The following VILL variants were observed in gnomAD, a reference collection of about 807,000 sequenced individuals.
VILL encodes villin like.
In VILL, 102 loss-of-function variants were observed where a neutral mutation model predicts 106.3. That is an observed-to-expected ratio of 0.96 (90% CI 0.82 to 1.13). The LOEUF is 1.13. Ranked by LOEUF, VILL falls within the 50% of genes most tolerant of loss-of-function variation. The pLI, the probability that VILL is intolerant of heterozygous loss-of-function variation, is 0.00. For synonymous variants in VILL, 431 were observed against 440.3 expected (o/e 0.98, Z 0.27); for missense variants, 1,076 against 1,116.6 (o/e 0.96, Z 0.52).
intron 2 of VILL, 26 bp from the exon 3 acceptor site, chr3:37,993,872 T>C: frequency 1.2e-6 from 2 of 1,614,050 alleles, no homozygotes; most frequent in Non-Finnish European, 1.7e-6. Context: ...CCTCCTGAGT[T>C]GTTACAGGGA....
At position 37,994,110 on chromosome 3, in the gene VILL, C is replaced by T; in HGVS notation, c.135+138C>T. On this transcript the variant is annotated intron_variant, in intron 3 of 19. Coordinates refer to ENST00000383759, the MANE Select transcript of VILL (RefSeq NM_015873.4). ...TCACATCCCACAAGGGGGCGGTTACCGTTGAGGCTTCTTAGTCCTTCCCTC... is the reference window on the plus strand; with the variant it reads ...TCACATCCCACAAGGGGGCGGTTACTGTTGAGGCTTCTTAGTCCTTCCCTC... 2.1e-6 allele frequency: 3 copies of T among 1,416,772 alleles called. 1 individual carries two copies. The South Asian group carries it at 3.5e-5, about 16-fold the overall frequency. 87.8% of individuals were successfully genotyped at this position (1,416,772 alleles called of 1,614,324 possible). A position where few individuals can be genotyped will look rare whatever the true frequency, so the allele number is the denominator to read the frequency against.
In VILL at chr3:37,994,460, G is replaced by C. The variant is rs749998902; in HGVS notation, c.335G>C (p.Gly112Ala). Reference protein sequence around the residue: ...SDCFCSYFRPGIIYRKGGLAS... With the variant: ...SDCFCSYFRPAIIYRKGGLAS... ...TGCTTCTGCAGCTACTTCCGCCCGG[G>C]AATCATGTGAGTGCGGGGGCGACCG... The change falls in exon 4 of 20, where the codon GGA becomes GCA. Residue 112 changes from glycine to alanine, a missense_variant. Gly to Ala is a moderately conservative substitution (Grantham distance 60). Coordinates refer to ENST00000383759, the MANE Select transcript of VILL (RefSeq NM_015873.4). 1 of 1,612,330 alleles carries C rather than the reference G, an allele frequency of 6.2e-7. No homozygotes were observed. The highest frequency in any genetic ancestry group is 1.1e-5 in the South Asian group (1 of 91,054).
At chr3:38,004,966 G>A (rs778411849) in intron 16 of VILL, among the ~76,000 whole-genome samples, 2 of 152,134 alleles carry the variant, frequency 1.3e-5, no homozygotes, top group Non-Finnish European at 2.9e-5. Flanking sequence ...TGCGCACAGT[G>A]GTATAACTGG....
intron 14 of VILL, 154 bp downstream of exon 14, chr3:38,002,729 G>A: frequency 2.2e-6 from 2 of 912,306 alleles, no homozygotes; most frequent in South Asian, 3.6e-5. Flanking sequence ...GTCCCCTCTA[G>A]AACTTGGGGA....
intron 19 of VILL, 68 bp from the exon 20 acceptor site, chr3:38,006,874 T>C (rs1699941222): frequency 6.5e-7 from 1 of 1,528,904 alleles, no homozygotes; most frequent in African/African-American, 1.4e-5. Flanking sequence ...CTGACACTAC[T>C]GAGTGGGGCA....
intron 15 of VILL, 40 bp from the exon 16 acceptor site, chr3:38,004,215 C>T: frequency 6.3e-7 from 1 of 1,586,892 alleles, no homozygotes; most frequent in African/African-American, 1.3e-5. Flanking sequence ...CTGGGGTGCC[C>T]CTCTGGGTGG....
Position 38,006,185 on chromosome 3 carries a change from A to G in VILL, c.2138A>G (p.His713Arg). ...TTGCCCCGATTCTTGCTCCAGAGCCACCCGTCCCACAAGGAAGTGGTGGAT... is the reference window on the plus strand; with the variant it reads ...TTGCCCCGATTCTTGCTCCAGAGCCGCCCGTCCCACAAGGAAGTGGTGGAT... ...FTWDPYKWTS[H>R]PSHKEVVDGS... Residue 713 changes from histidine to arginine, a missense_variant, in exon 18 of 20, where the codon CAC becomes CGC. Transcript: ENST00000383759. 1 of 1,614,078 alleles carries G rather than the reference A, an allele frequency of 6.2e-7. No homozygotes were observed. Among genetic ancestry groups the G allele is most frequent in the Non-Finnish European group, 8.5e-7 (1 of 1,180,008 alleles).
chr3:37,991,516 G>A (rs574662447), intron 1 of VILL, among the ~76,000 whole-genome samples: 1 of 151,484 alleles, frequency 6.6e-6, no homozygotes, highest in Admixed American at 6.6e-5. Flanking sequence ...AGGGGAGAAA[G>A]AAGAACCAGG....
In VILL at chr3:37,997,154, T is replaced by A; in HGVS notation, c.528T>A (p.Asn176Lys). 1 of 1,614,152 alleles carries A rather than the reference T, an allele frequency of 6.2e-7. No individual in the cohort carries two copies. The highest frequency in any genetic ancestry group is 8.5e-7 in the Non-Finnish European group (1 of 1,180,010). Residue 176 changes from asparagine (N) to lysine (K), a missense_variant, in exon 6 of 20, where the codon AAT (asparagine) becomes AAA (lysine). Coordinates refer to ENST00000383759, the MANE Select transcript of VILL (RefSeq NM_015873.4). This position sits in a 1 kb window ranked among gnomAD's most constrained non-coding sequence, Gnocchi z 4.7. ...LDLGKMMIQW[N>K]GPKTSISEKA... is the part of the protein sequence containing the mutation. ...TAGGCAAGATGATGATTCAGTGGAA[T>A]GGGCCCAAGACCAGCATTTCTGAGA...
chr3:37,999,046 G>C lies in VILL; in HGVS notation c.1077G>C (p.Gly359=). The change falls in exon 10 of 20, where the codon GGG becomes GGC. Residue 359 remains glycine, a synonymous_variant. Transcript: ENST00000383759. ...EKRRRNQKLG[G]RDKSIHVKLD... ...GGCGCAGGAACCAGAAGCTCGGCGG[G>C]AGGGGTGAGCGGGCGGGGCGGGGCT... is the stretch of plus-strand genomic sequence containing the variant. The C allele has an allele frequency of 2.6e-6, 4 of 1,567,316 alleles. No homozygotes were observed. The highest frequency in any genetic ancestry group is 1.1e-5 in the South Asian group (1 of 88,654).
chr3:37,991,867 A>C (rs1575332405), intron 1 of VILL, among the ~76,000 whole-genome samples: 2 of 152,066 alleles, frequency 1.3e-5, no homozygotes, highest in South Asian at 4.2e-4. Context: ...GTGGGGAGGG[A>C]GGAGGCCCCC....
At position 38,004,298 on chromosome 3, in the gene VILL, T is replaced by C; in HGVS notation, c.1849T>C (p.Cys617Arg). 1 of 1,613,792 alleles carries C rather than the reference T, an allele frequency of 6.2e-7. No homozygotes were observed. Among genetic ancestry groups the C allele is most frequent in the Middle Eastern group, 1.7e-4 (1 of 6,052 alleles). Residue 617 changes from cysteine (C) to arginine (R), a missense_variant, in exon 16 of 20, where the codon TGC becomes CGC. Cys to Arg is a radical substitution (Grantham distance 180). Transcript: ENST00000383759. The stretch of plus-strand genomic sequence containing the variant: ...CAGCTTCCAGCCACGACTGTTTGAG[T>C]GCTCCAGCCACATGGGCTGCCTGGT... ...VPSFQPRLFE[C>R]SSHMGCLVLA...
Position 38,006,648 on chromosome 3 carries a change from T to G in VILL, c.2405T>G (p.Met802Arg). The change falls in exon 19 of 20, where the codon ATG becomes AGG. Residue 802 changes from methionine to arginine, a missense_variant. Transcript: ENST00000383759. The stretch of plus-strand genomic sequence containing the variant: ...GGGGGCCTGCGCCGGGAACAACTGA[T>G]GCACCAGGCTGTTGAGGACCTGCCA... ...INGGLRREQL[M>R]HQAVEDLPEG... The G allele has an allele frequency of 6.2e-7, 1 of 1,613,574 alleles. No homozygotes were observed. Among genetic ancestry groups the G allele is most frequent in the Non-Finnish European group, 8.5e-7 (1 of 1,179,954 alleles).
chr3:37,993,822 T>G, intron 2 of VILL, 76 bp from the exon 3 acceptor site: 1 of 1,607,488 alleles, frequency 6.2e-7, no homozygotes, highest in Non-Finnish European at 8.5e-7. Flanking sequence ...ACTCAGAGCG[T>G]CCTCTTCCAC....
chr3:37,994,171 G>C, intron 3 of VILL, 90 bp from the exon 4 acceptor site: 1 of 1,493,250 alleles, frequency 6.7e-7, no homozygotes, highest in Non-Finnish European at 9.1e-7. Flanking sequence ...CCTGCCTAGC[G>C]TCTCCCCATG....
chr3:38,006,417 T>G, intron 18 of VILL, 32 bp from the exon 19 acceptor site: 1 of 1,580,308 alleles, frequency 6.3e-7, no homozygotes, highest in African/African-American at 1.3e-5. Context: ...TGATTCCCCA[T>G]CTTCCCCAGC....
intron 11 of VILL, among the ~76,000 whole-genome samples, chr3:38,000,227 G>T (rs1699787567): frequency 6.6e-6 from 1 of 152,208 alleles, no homozygotes; most frequent in African/African-American, 2.4e-5. Context: ...GAAAAGGCAA[G>T]ATTTCCTTCT....
At chr3:37,992,012 G>A (rs1243906598) in intron 1 of VILL, among the ~76,000 whole-genome samples, 7 of 152,094 alleles carry the variant, frequency 4.6e-5, no homozygotes, top group Admixed American at 3.9e-4. Flanking sequence ...ACGGGCTCCC[G>A]GACCCCTGGG....
intron 16 of VILL, among the ~76,000 whole-genome samples, chr3:38,004,683 T>C (rs1461642373): frequency 1.3e-5 from 2 of 152,192 alleles, no homozygotes; most frequent in African/African-American, 4.8e-5. Flanking sequence ...TATGATACTA[T>C]GTGTGGCTCC....
Sources: gnomAD v4.1 joint callset for allele counts (sites outside exome capture counted in the v4.1 genomes callset) on GRCh38, gnomAD v4.1.1 for gene constraint, Gnocchi (gnomAD v3.1) non-coding constraint, MANE v1.5 for transcripts, NCBI Gene and HGNC (gene_info 2026-07-23, HGNC 2026-07-21) for gene names.